TBC1D22A: variants seen among roughly 807,000 people sequenced by gnomAD.
TBC1D22A encodes putative GTPase activator.
TBC1D22A carries 38 observed loss-of-function variants against 60.2 expected under a neutral mutation model. That is an observed-to-expected ratio of 0.63 (90% CI 0.49 to 0.83). TBC1D22A has a LOEUF of 0.83. TBC1D22A is among the 40% of genes least tolerant of loss of function. TBC1D22A has a pLI of 0.00. For synonymous variants in TBC1D22A, 302 were observed against 281.7 expected (o/e 1.07, Z -0.72); for missense variants, 628 against 701.0 (o/e 0.90, Z 1.18).
chr22:46,941,230 C>CACACACACACACAT (rs2072027275), intron 8 of TBC1D22A, among the ~76,000 whole-genome samples: 2 of 144,282 alleles, frequency 1.4e-5, no homozygotes, highest in Admixed American at 7.0e-5. Context: ...CACACACACA[C>CACACACACACACAT]ACACACAGTC....
At chr22:47,015,523 A>G (rs1479671717) in intron 10 of TBC1D22A, among the ~76,000 whole-genome samples, 2 of 152,222 alleles carry the variant, frequency 1.3e-5, no homozygotes, top group Non-Finnish European at 2.9e-5. Context: ...ATCTTGCTCT[A>G]GCTGTTCTCC....
At chr22:47,021,703 CAT>C (rs1305289272) in intron 10 of TBC1D22A, among the ~76,000 whole-genome samples, 1 of 152,246 alleles carries the variant, frequency 6.6e-6, no homozygotes, top group African/African-American at 2.4e-5. Flanking sequence ...CATACAGACT[CAT>C]AAATATATGT....
intron 12 of TBC1D22A, among the ~76,000 whole-genome samples, chr22:47,148,155 A>G (rs1454156511): frequency 1.3e-5 from 2 of 152,188 alleles, no homozygotes; most frequent in Non-Finnish European, 2.9e-5. Flanking sequence ...TTAAAAAACC[A>G]GCCCCGAGAG....
At chr22:46,917,845 CT>C (rs1331611474) in intron 8 of TBC1D22A, among the ~76,000 whole-genome samples, 3 of 152,138 alleles carry the variant, frequency 2.0e-5, no homozygotes, top group Non-Finnish European at 4.4e-5. Flanking sequence ...GGCAATGGGG[CT>C]GTCCCACAGG....
intron 7 of TBC1D22A, among the ~76,000 whole-genome samples, chr22:46,905,590 TTGGCGGG>T (rs1413692343): frequency 6.6e-6 from 1 of 152,136 alleles, no homozygotes. Flanking sequence ...CTGCGGTCGG[TTGGCGGG>T]TGGGGGACAG....
At chr22:46,918,896 A>G (rs1297237829) in intron 8 of TBC1D22A, among the ~76,000 whole-genome samples, 1 of 152,196 alleles carries the variant, frequency 6.6e-6, no homozygotes, top group Non-Finnish European at 1.5e-5. Flanking sequence ...CGTGCCCGTC[A>G]TCTGACTCCA....
chr22:46,993,535 C>T (rs1252380911), intron 9 of TBC1D22A, among the ~76,000 whole-genome samples: 1 of 152,220 alleles, frequency 6.6e-6, no homozygotes, highest in Middle Eastern at 3.4e-3. Flanking sequence ...GTTTTGCTGC[C>T]CAGGTACGTG....
At chr22:46,814,717 G>A (rs1378521849) in intron 4 of TBC1D22A, among the ~76,000 whole-genome samples, 3 of 151,922 alleles carry the variant, frequency 2.0e-5, no homozygotes, top group Non-Finnish European at 4.4e-5. Flanking sequence ...CAAGGTCCCG[G>A]CTCACTGCAA....
At chr22:46,967,586 C>T (rs377663877) in intron 8 of TBC1D22A, among the ~76,000 whole-genome samples, 5 of 152,314 alleles carry the variant, frequency 3.3e-5, no homozygotes, top group South Asian at 2.1e-4. Context: ...TGGCTCTTAC[C>T]GACAGCGTTT....
intron 11 of TBC1D22A, among the ~76,000 whole-genome samples, chr22:47,079,484 A>G (rs1235898260): frequency 6.6e-6 from 1 of 152,226 alleles, no homozygotes; most frequent in Non-Finnish European, 1.5e-5. Context: ...CTGCTAGAAA[A>G]TAGCATTTAT....
intron 1 of TBC1D22A, among the ~76,000 whole-genome samples, chr22:46,769,946 T>G (rs2083430588): frequency 6.6e-6 from 1 of 152,046 alleles, no homozygotes; most frequent in Non-Finnish European, 1.5e-5. Flanking sequence ...GGTGCTGGCC[T>G]GAGGGGATGG....
intron 12 of TBC1D22A, among the ~76,000 whole-genome samples, chr22:47,130,291 C>G (rs1255607550): frequency 6.6e-6 from 1 of 152,192 alleles, no homozygotes; most frequent in African/African-American, 2.4e-5. Flanking sequence ...CCCATCCCTT[C>G]TAGGCCCCTC....
chr22:47,082,729 C>T (rs1453792079), intron 11 of TBC1D22A, among the ~76,000 whole-genome samples: 14 of 152,206 alleles, frequency 9.2e-5, no homozygotes, highest in Admixed American at 9.2e-4. Context: ...ACTGACAACA[C>T]TAAGTGCTGA....
intron 4 of TBC1D22A, among the ~76,000 whole-genome samples, chr22:46,842,531 C>A (rs1000410144): frequency 1.3e-5 from 2 of 152,182 alleles, no homozygotes; most frequent in African/African-American, 4.8e-5. Context: ...ATCAGTTCTC[C>A]CCGTAAACAC....
intron 11 of TBC1D22A, among the ~76,000 whole-genome samples, chr22:47,095,272 G>A (rs1038170652): frequency 1.3e-5 from 2 of 152,206 alleles, no homozygotes; most frequent in Non-Finnish European, 2.9e-5. Context: ...CATTTGAATG[G>A]CCTCAAAACC....
At chr22:46,858,046 T>C (rs1404774988) in intron 4 of TBC1D22A, among the ~76,000 whole-genome samples, 1 of 152,216 alleles carries the variant, frequency 6.6e-6, no homozygotes, top group Non-Finnish European at 1.5e-5. Flanking sequence ...CGCCAGGAGC[T>C]GCCAGACTTT....
At chr22:47,170,255 C>T (rs965913258) in intron 12 of TBC1D22A, among the ~76,000 whole-genome samples, 26 of 152,256 alleles carry the variant, frequency 1.7e-4, no homozygotes, top group South Asian at 4.1e-4. Flanking sequence ...AAATTAGATT[C>T]TGAAATTGAG....
intron 4 of TBC1D22A, among the ~76,000 whole-genome samples, chr22:46,833,313 T>C (rs796187626): frequency 5.3e-5 from 8 of 152,336 alleles, no homozygotes; most frequent in African/African-American, 1.9e-4. Context: ...GGCCCTATTA[T>C]AAACCTACTT....
chr22:47,044,619 C>A (rs1051995790), intron 11 of TBC1D22A, among the ~76,000 whole-genome samples: 2 of 152,154 alleles, frequency 1.3e-5, no homozygotes, highest in African/African-American at 4.8e-5. Context: ...GATTTGAGGT[C>A]GTAAGCTTTC....
Sources: allele counts gnomAD v4.1 joint callset (sites outside exome capture counted in the v4.1 genomes callset), GRCh38; gene constraint gnomAD v4.1.1; transcripts MANE v1.5; gene names NCBI Gene and HGNC (gene_info 2026-07-23, HGNC 2026-07-21).